Variants in MEGF6 observed in about 807,000 individuals in gnomAD.
The protein encoded by MEGF6 is multiple EGF like domains 6.
A neutral mutation model predicts 207.1 loss-of-function variants in MEGF6; 184 were observed. That is an observed-to-expected ratio of 0.89 (90% CI 0.79 to 1.00). The LOEUF (loss-of-function observed/expected upper bound fraction) is 1.00, where lower values mean the gene tolerates loss of function less well. Among genes scored for constraint, MEGF6 ranks in the 50% least tolerant of loss-of-function variants. The probability of loss-of-function intolerance (pLI) is 0.00; values close to 1 mark genes in which losing one functional copy is unlikely to be tolerated. For synonymous variants in MEGF6, 1,038 were observed against 910.0 expected, an observed-to-expected ratio of 1.14 and a Z score of -2.53; for missense variants, 2,282 against 2,202.9, an observed-to-expected ratio of 1.04 and a Z score of -0.72.
intron 4 of MEGF6, among the ~76,000 whole-genome samples, chr1:3,545,351 G>A (rs115014294): frequency 0.014 from 2,147 of 152,266 alleles, 30 homozygotes; most frequent in Non-Finnish European, 0.022. Context: ...GGGGCTGAGT[G>A]GACCCTTCTG....
intron 10 of MEGF6, among the ~76,000 whole-genome samples, 178 bp from the exon 11 acceptor site, chr1:3,510,170 C>T (rs917929888): frequency 5.3e-5 from 8 of 152,168 alleles, no homozygotes; most frequent in African/African-American, 1.9e-4. Flanking sequence ...TCTGGCCATC[C>T]TCCCAGCCCA....
intron 21 of MEGF6, 71 bp downstream of exon 21, chr1:3,500,562 T>TGTGC: frequency 2.7e-6 from 4 of 1,478,694 alleles, no homozygotes; most frequent in Non-Finnish European, 3.6e-6. Context: ...GCTTTGTGTG[T>TGTGC]GTGCACGTGT....
At chr1:3,612,598 C>T (rs1235674225), upstream of MEGF6, among the ~76,000 whole-genome samples, 1 of 152,174 alleles carries the variant, frequency 6.6e-6, no homozygotes, top group Non-Finnish European at 1.5e-5. Flanking sequence ...CCAGCCATGC[C>T]GGTCCCTGCT....
In MEGF6 at chr1:3,509,099, C is replaced by A; in HGVS notation, c.1504G>T (p.Glu502Ter). Residue 502 changes from glutamate to a stop codon, truncating the protein, a stop_gained, in exon 12 of 37, where the codon GAA becomes TAA. Transcript: ENST00000356575. LOFTEE classifies it high-confidence loss of function. Reference protein sequence around the residue: ...ADEEEAELRGEHTLTEKFVCL... With the variant: ...ADEEEAELRG ...CCAAACTTCTCTGTGAGCGTGTGTT[C>A]GCCCCGCAACTCTGCCTCTTCCTCA... The A allele has an allele frequency of 6.3e-7, 1 of 1,597,982 alleles. No homozygotes were observed. Among genetic ancestry groups the A allele is most frequent in the African/African-American group, 1.3e-5 (1 of 74,236 alleles).
At chr1:3,601,062 G>A (rs543935146) in intron 2 of MEGF6, among the ~76,000 whole-genome samples, 7 of 152,292 alleles carry the variant, frequency 4.6e-5, no homozygotes, top group Admixed American at 3.9e-4. Context: ...CTTTGTCCAC[G>A]GCTGCCCCCA....
At position 3,488,401 on chromosome 1, in the gene MEGF6, T is replaced by C. The variant is rs947893959; in HGVS notation, c.*2127A>G. Among the ~76,000 whole-genome samples, 1 of 152,220 alleles carries C rather than the reference T, an allele frequency of 6.6e-6. No homozygotes were observed. The highest frequency in any genetic ancestry group is 2.4e-5 in the African/African-American group (1 of 41,456). On this transcript the variant is annotated 3_prime_UTR_variant, in exon 37 of 37. Coordinates refer to ENST00000356575, the MANE Select transcript of MEGF6 (RefSeq NM_001409.4). ...ACACCCTCACACCATGCTGAGACTG[T>C]CGGGGGTTCCCATTGGGGAGTAATG...
chr1:3,530,453 G>A (rs1642113758), intron 4 of MEGF6, among the ~76,000 whole-genome samples: 2 of 152,200 alleles, frequency 1.3e-5, no homozygotes, highest in South Asian at 4.1e-4. Context: ...CAATTCCCGA[G>A]GGTGCCCAGC....
chr1:3,533,261 C>T (rs554404125), intron 4 of MEGF6, among the ~76,000 whole-genome samples: 19 of 152,342 alleles, frequency 1.2e-4, no homozygotes, highest in Middle Eastern at 3.4e-3. Flanking sequence ...GAGGCCAGCC[C>T]GCCCCCTTGG....
chr1:3,610,598 T>C (rs1644312575), intron 1 of MEGF6, among the ~76,000 whole-genome samples: 1 of 152,254 alleles, frequency 6.6e-6, no homozygotes, highest in Admixed American at 6.5e-5. Flanking sequence ...CTTTCAAAAT[T>C]AAATTCATCT....
At chr1:3,604,043 G>A (rs1384522170) in intron 1 of MEGF6, among the ~76,000 whole-genome samples, 17 of 152,194 alleles carry the variant, frequency 1.1e-4, no homozygotes, top group Non-Finnish European at 2.2e-4. Flanking sequence ...CGGGACAGCA[G>A]GGGCTCCACC....
intron 7 of MEGF6, among the ~76,000 whole-genome samples, chr1:3,513,546 G>A (rs1484202437): frequency 1.3e-5 from 2 of 148,188 alleles, no homozygotes; most frequent in Non-Finnish European, 3.0e-5. Context: ...TCAAAGTGCT[G>A]GGATTACAGG....
At chr1:3,619,552 G>A in the MEGF6 span, among the ~76,000 whole-genome samples, 1 of 149,420 alleles carries the variant, frequency 6.7e-6, no homozygotes, top group Admixed American at 6.7e-5. Flanking sequence ...CTCCCTTGCT[G>A]TTCTCGTGAT....
intron 1 of MEGF6, among the ~76,000 whole-genome samples, chr1:3,608,535 G>A (rs1644283965): frequency 6.6e-6 from 1 of 152,214 alleles, no homozygotes; most frequent in Admixed American, 6.5e-5. Flanking sequence ...ACCCGCCCTG[G>A]AGGGAAGGCA....
upstream of MEGF6, among the ~76,000 whole-genome samples, chr1:3,612,734 G>A (rs927498878): frequency 3.9e-4 from 59 of 151,656 alleles, no homozygotes; most frequent in Non-Finnish European, 1.3e-4. Context: ...GCACTGGAGG[G>A]AGCCCTGGCT....
intron 4 of MEGF6, among the ~76,000 whole-genome samples, chr1:3,562,092 C>T (rs1470732960): frequency 3.3e-5 from 5 of 152,102 alleles, no homozygotes; most frequent in Admixed American, 1.3e-4. Context: ...CTGGTGTGGG[C>T]GAGCCAGGCA....
At chr1:3,519,451 G>C (rs537072801) in intron 5 of MEGF6, among the ~76,000 whole-genome samples, 1 of 152,252 alleles carries the variant, frequency 6.6e-6, no homozygotes, top group Non-Finnish European at 1.5e-5. Context: ...CCCAATGCCC[G>C]CAGTGCTTGC....
chr1:3,577,777 C>T (rs754059019), intron 4 of MEGF6, among the ~76,000 whole-genome samples: 8 of 152,232 alleles, frequency 5.3e-5, no homozygotes, highest in South Asian at 2.1e-4. Flanking sequence ...GAGCCCACTC[C>T]GCAGTGCTGG....
chr1:3,544,962 C>G (rs1257209930), intron 4 of MEGF6, among the ~76,000 whole-genome samples: 1 of 152,198 alleles, frequency 6.6e-6, no homozygotes. Flanking sequence ...CCGCCCTTTG[C>G]TCCCTACCCC....
intron 3 of MEGF6, among the ~76,000 whole-genome samples, chr1:3,590,321 G>C (rs372908080): frequency 6.6e-6 from 1 of 152,198 alleles, no homozygotes; most frequent in Admixed American, 6.5e-5. Flanking sequence ...GCTGAAACAT[G>C]GGCAGGGTCT....
Sources: allele counts gnomAD v4.1 joint callset (sites outside exome capture counted in the v4.1 genomes callset), GRCh38; gene constraint gnomAD v4.1.1; transcripts MANE v1.5; gene names NCBI Gene and HGNC (gene_info 2026-07-23, HGNC 2026-07-21).